Variants in RNF103 observed in about 807,000 individuals in gnomAD.
RNF103 encodes ring finger protein 103.
RNF103 carries 23 observed loss-of-function variants against 66.2 expected under a neutral mutation model. The ratio of observed to expected loss-of-function variants is 0.35; its 90% CI spans 0.25 to 0.49. RNF103 has a LOEUF of 0.49. Ranked by LOEUF, RNF103 falls within the 20% of genes least tolerant of loss-of-function variation. The probability of loss-of-function intolerance (pLI) is 0.98; values close to 1 mark genes in which losing one functional copy is unlikely to be tolerated. For synonymous variants in RNF103, 297 were observed against 289.9 expected (o/e 1.02, Z -0.25); for missense variants, 730 against 814.7 (o/e 0.90, Z 1.27).
Position 86,604,123 on chromosome 2 carries a change from C to T in RNF103, c.1778G>A (p.Arg593Lys), listed in dbSNP as rs755818249. 1.2e-6 allele frequency: 2 copies of T among 1,613,310 alleles called. No homozygotes were observed. The highest frequency in any genetic ancestry group is 2.2e-5 in the East Asian group (1 of 44,890). The change falls in exon 4 of 4, where the codon AGG becomes AAG. Residue 593 changes from arginine to lysine, a missense_variant. Around this residue, in one of 3 missense-constraint regions of RNF103, gnomAD observed 355 missense variants for 351.9 expected, o/e 1.01. Coordinates refer to ENST00000237455, the MANE Select transcript of RNF103 (RefSeq NM_005667.4). Reference protein sequence around the residue: ...CQTSPCERKGRSYGSYNTNED... With the variant: ...CQTSPCERKGKSYGSYNTNED... ...ATTAGTGTTATATGATCCATATGAC[C>T]TCCCCTTCCTTTCACATGGGCTGGT...
At chr2:86,612,425 T>C (rs1573360611) in intron 2 of RNF103, 151 bp from the exon 3 acceptor site, 1 of 562,608 alleles carries the variant, frequency 1.8e-6, no homozygotes, top group Non-Finnish European at 3.1e-6. Flanking sequence ...TTACAATTCT[T>C]ATAGAAGGAG....
chr2:86,604,426 C>T lies in RNF103; in HGVS notation c.1475G>A (p.Arg492His), dbSNP rs367817642. 72 of 1,614,182 alleles carry T rather than the reference C, an allele frequency of 4.5e-5. No homozygotes were observed. Among genetic ancestry groups the T allele is most frequent in the Middle Eastern group, 1.6e-4 (1 of 6,062 alleles). ...WDEDPDLFLE[R>H]LAFPDLWLHP... is the part of the protein sequence containing the mutation. Reference sequence around the variant, plus strand: ...AAGCCAAAGGTCAGGGAAAGCTAAGCGCTCCAAGAATAAGTCAGGGTCTTC... The same window carrying T: ...AAGCCAAAGGTCAGGGAAAGCTAAGTGCTCCAAGAATAAGTCAGGGTCTTC... The change falls in exon 4 of 4, where the codon CGC becomes CAC. Residue 492 changes from arginine (R) to histidine (H), a missense_variant. Arg to His is a conservative substitution (Grantham distance 29). This residue lies in a region of RNF103 where 355 missense variants were observed against 351.9 expected (regional missense o/e 1.01). Coordinates refer to ENST00000237455, the MANE Select transcript of RNF103 (RefSeq NM_005667.4).
intron 2 of RNF103, chr2:86,616,389 T>C: frequency 2.8e-6 from 2 of 725,642 alleles, no homozygotes; most frequent in Non-Finnish European, 3.4e-6. Flanking sequence ...GCAAACTATA[T>C]AAAACCATTA....
intron 2 of RNF103, chr2:86,616,596 G>A (rs1679033973): frequency 1.0e-6 from 1 of 985,254 alleles, no homozygotes; most frequent in Non-Finnish European, 1.2e-6. Context: ...TAGGAGCAAA[G>A]ATAAACAAGT....
chr2:86,616,725 T>C, intron 2 of RNF103: 2 of 985,442 alleles, frequency 2.0e-6, no homozygotes, highest in Non-Finnish European at 2.4e-6. Flanking sequence ...GCTACCTCAA[T>C]TCCAGTGACT....
intron 1 of RNF103, among the ~76,000 whole-genome samples, chr2:86,621,834 T>C (rs531950784): frequency 6.6e-6 from 1 of 152,210 alleles, no homozygotes; most frequent in Non-Finnish European, 1.5e-5. Flanking sequence ...AAAGATATAC[T>C]TTGTGCAGCA....
At chr2:86,612,447 T>C (rs972774309) in intron 2 of RNF103, 173 bp from the exon 3 acceptor site, 6 of 531,868 alleles carry the variant, frequency 1.1e-5, no homozygotes, top group Middle Eastern at 4.6e-4. Flanking sequence ...AACTATCCAA[T>C]AGGAAAAAGA....
Position 86,612,285 on chromosome 2 carries a change from A to C in RNF103, c.367-11T>G. ...GTCATTTGCTATGACCTATTCCCAA[A>C]AATAGAGAAAAAGAAACTTGAATTA... On this transcript the variant is annotated splice_polypyrimidine_tract_variant and intron_variant, in intron 2 of 3. Coordinates refer to ENST00000237455, the MANE Select transcript of RNF103 (RefSeq NM_005667.4). 1 of 1,532,886 alleles carries C rather than the reference A, an allele frequency of 6.5e-7. No individual in the cohort carries two copies. Among genetic ancestry groups the C allele is most frequent in the Non-Finnish European group, 8.9e-7 (1 of 1,119,388 alleles). The allele number at this position is 1,532,886 out of a possible 1,614,324, so 95.0% of individuals were successfully genotyped here. A position where few individuals can be genotyped will look rare whatever the true frequency, so the allele number is the denominator to read the frequency against.
At chr2:86,615,321 T>C (rs1194289183) in intron 2 of RNF103, 2 of 726,808 alleles carry the variant, frequency 2.8e-6, no homozygotes, top group Non-Finnish European at 3.4e-6. Flanking sequence ...TTTATAGTTA[T>C]ATTTATGCAA....
rs765940688 is a variant in RNF103 at position 86,612,156 on chromosome 2, T to C, written c.482+3A>G. On this transcript the variant is annotated splice_donor_region_variant and intron_variant, in intron 3 of 3. Coordinates refer to ENST00000237455, the MANE Select transcript of RNF103 (RefSeq NM_005667.4). Reference sequence around the variant, plus strand: ...AATTCTAAGAATTGCCTAATCAACTTACCTGGGATCACTGGAACAGTTAAA... The same window carrying C: ...AATTCTAAGAATTGCCTAATCAACTCACCTGGGATCACTGGAACAGTTAAA... 1.3e-6 allele frequency: 2 copies of C among 1,598,726 alleles called. No individual in the cohort carries two copies. The highest frequency in any genetic ancestry group is 1.7e-6 in the Non-Finnish European group (2 of 1,170,592).
rs759307984 is a variant in RNF103 at position 86,603,523 on chromosome 2, C to T, written c.*320G>A. The T allele has an allele frequency of 1.1e-5, 3 of 269,944 alleles. No homozygotes were observed. Among genetic ancestry groups the T allele is most frequent in the Non-Finnish European group, 2.1e-5 (3 of 144,176 alleles). The allele number at this position is 269,944 out of a possible 1,614,324, so 16.7% of individuals were successfully genotyped here. On this transcript the variant is annotated 3_prime_UTR_variant, in exon 4 of 4. Coordinates refer to ENST00000237455, the MANE Select transcript of RNF103 (RefSeq NM_005667.4). ...GGAGGAAACATTTAGGATAAGAAAC[C>T]GGCTCAATTCCATTAGAATTTGATC... is the stretch of plus-strand genomic sequence containing the variant.
In RNF103 at chr2:86,623,046, A is replaced by T; in HGVS notation, c.-160T>A. ...GGCCGGCCATCCCCGGCGGGGAAGC[A>T]GGTGACGGGATCCGCGCGGGCGCGA... On this transcript the variant is annotated 5_prime_UTR_variant, in exon 1 of 4. Transcript: ENST00000237455. 2.3e-6 allele frequency: 3 copies of T among 1,316,138 alleles called. No homozygotes were observed. The highest frequency in any genetic ancestry group is 4.1e-5 in the Admixed American group (1 of 24,358). 81.5% of individuals were successfully genotyped at this position (1,316,138 alleles called of 1,614,324 possible).
chr2:86,607,296 C>T (rs1191161735), intron 3 of RNF103, among the ~76,000 whole-genome samples: 1 of 152,122 alleles, frequency 6.6e-6, no homozygotes. Context: ...AAACATATTA[C>T]ACATCATATG....
chr2:86,615,025 AG>A, intron 2 of RNF103: 1 of 985,418 alleles, frequency 1.0e-6, no homozygotes, highest in African/African-American at 1.7e-5. Flanking sequence ...TTCACTGCAC[AG>A]GTATCTTTGA....
intron 3 of RNF103, among the ~76,000 whole-genome samples, chr2:86,608,521 A>AAG (rs1573355433): frequency 6.6e-6 from 1 of 150,608 alleles, no homozygotes; most frequent in South Asian, 2.1e-4. Flanking sequence ...GGAAGAAAGG[A>AAG]AGAGAGAGAA....
chr2:86,619,336 T>A (rs1184162112), intron 2 of RNF103, among the ~76,000 whole-genome samples: 1 of 152,186 alleles, frequency 6.6e-6, no homozygotes. Context: ...ATGCCCTGAA[T>A]CAAACTTTGC....
chr2:86,614,811 T>C (rs1000402076), intron 2 of RNF103: 10 of 983,418 alleles, frequency 1.0e-5, no homozygotes, highest in Non-Finnish European at 1.2e-5. Context: ...TGTGCAATCA[T>C]ACTACCATAC....
At chr2:86,614,806 A>C in intron 2 of RNF103, 1 of 982,922 alleles carries the variant, frequency 1.0e-6, no homozygotes, top group Non-Finnish European at 1.2e-6. Context: ...GTATCTGTGC[A>C]ATCATACTAC....
At chr2:86,612,398 G>A in intron 2 of RNF103, 124 bp from the exon 3 acceptor site, 2 of 607,292 alleles carry the variant, frequency 3.3e-6, no homozygotes, top group Non-Finnish European at 5.8e-6. Flanking sequence ...CTTGTTTACT[G>A]TATCATCACA....
Sources: gnomAD v4.1 joint callset for allele counts (sites outside exome capture counted in the v4.1 genomes callset) on GRCh38, gnomAD v4.1.1 for gene constraint, gnomAD v4.1.1 regional missense constraint, MANE v1.5 for transcripts, NCBI Gene and HGNC (gene_info 2026-07-23, HGNC 2026-07-21) for gene names.